ZNF148: variants seen among roughly 807,000 people sequenced by gnomAD.
ZNF148 encodes Beta-Enolase Repressor Factor-1.
ZNF148 carries 7 observed loss-of-function variants against 67.7 expected under a neutral mutation model. That is an observed-to-expected ratio of 0.10 (90% CI 0.06 to 0.19). The LOEUF is 0.19. Among genes scored for constraint, ZNF148 ranks in the 10% least tolerant of loss-of-function variants. ZNF148 has a pLI of 1.00. For synonymous variants in ZNF148, 333 were observed against 330.7 expected (o/e 1.01, Z -0.08); for missense variants, 583 against 947.1 (o/e 0.62, Z 5.05).
chr3:125,313,572 G>A lies in ZNF148; in HGVS notation c.69C>T (p.Ser23=), dbSNP rs1199704611. The A allele has an allele frequency of 6.2e-7, 1 of 1,614,100 alleles. No homozygotes were observed. Among genetic ancestry groups the A allele is most frequent in the Admixed American group, 1.7e-5 (1 of 60,014 alleles). The change falls in exon 4 of 9, where the codon TCC becomes TCT. Residue 23 remains serine (S), a synonymous_variant. Coordinates refer to ENST00000360647, the MANE Select transcript of ZNF148 (RefSeq NM_021964.3). ...KCGGIDEMQS[S]RTMVVMGGVS... is the part of the protein sequence containing the mutation. Reference sequence around the variant, plus strand: ...CTCCACCCATTACAACCATTGTCCTGGAAGACTGCATTTCGTCTATGCCGC... The same window carrying A: ...CTCCACCCATTACAACCATTGTCCTAGAAGACTGCATTTCGTCTATGCCGC...
chr3:125,363,982 T>A (rs148161814), intron 1 of ZNF148, among the ~76,000 whole-genome samples: 1 of 152,306 alleles, frequency 6.6e-6, no homozygotes, highest in East Asian at 1.9e-4. Flanking sequence ...TGTCTCCCAG[T>A]CACCAGGTTC....
chr3:125,366,479 G>C (rs1559786288), intron 1 of ZNF148, among the ~76,000 whole-genome samples: 1 of 151,940 alleles, frequency 6.6e-6, no homozygotes, highest in Non-Finnish European at 1.5e-5. Flanking sequence ...TTATTTTGTC[G>C]GTCATGAAAT....
intron 4 of ZNF148, among the ~76,000 whole-genome samples, chr3:125,303,343 C>G (rs1459579477): frequency 6.6e-6 from 1 of 152,176 alleles, no homozygotes. Context: ...CCCCAACTCC[C>G]AGGCCGTGGA....
rs185632318 is a variant in ZNF148, at chr3:125,265,151, T to C, written c.667+12575A>G. Among the ~76,000 whole-genome samples the C allele has an allele frequency of 2.6e-5, 4 of 152,378 alleles. No homozygotes were observed. In the East Asian group the frequency reaches 7.7e-4, roughly 29 times the overall value. On this transcript the variant is annotated intron_variant, in intron 7 of 8. Transcript: ENST00000360647. ...GATAGTCTGTTACTACTGCTTATTT[T>C]TTCACTGCAATCTTTTACTTTTTAA...
At chr3:125,287,391 T>C (rs1218492146) in intron 5 of ZNF148, among the ~76,000 whole-genome samples, 3 of 152,146 alleles carry the variant, frequency 2.0e-5, no homozygotes, top group Admixed American at 6.5e-5. Context: ...GTAATCCTAA[T>C]ACTTTGGGAG....
At chr3:125,330,750 T>C (rs1941256664) in intron 2 of ZNF148, among the ~76,000 whole-genome samples, 1 of 152,112 alleles carries the variant, frequency 6.6e-6, no homozygotes, top group South Asian at 2.1e-4. Context: ...CACTGACATA[T>C]ATGTAAACTC....
At chr3:125,238,317 A>T (rs1414753285) in intron 7 of ZNF148, among the ~76,000 whole-genome samples, 1 of 152,164 alleles carries the variant, frequency 6.6e-6, no homozygotes, top group East Asian at 1.9e-4. Flanking sequence ...TCATGCTTCA[A>T]AGGACACTAT....
intron 1 of ZNF148, among the ~76,000 whole-genome samples, chr3:125,348,121 G>A (rs1046726148): frequency 5.9e-5 from 9 of 151,884 alleles, no homozygotes; most frequent in Non-Finnish European, 7.4e-5. Flanking sequence ...TTAGCTGGGC[G>A]TGGTGGCATG....
intron 7 of ZNF148, among the ~76,000 whole-genome samples, chr3:125,269,943 T>C (rs1469999850): frequency 3.3e-5 from 5 of 151,738 alleles, no homozygotes; most frequent in Non-Finnish European, 2.9e-5. Context: ...CAATAGACAC[T>C]AGGGACTCCA....
At chr3:125,341,092 G>C (rs1174962144) in intron 1 of ZNF148, among the ~76,000 whole-genome samples, 1 of 150,600 alleles carries the variant, frequency 6.6e-6, no homozygotes, top group Non-Finnish European at 1.5e-5. Context: ...CCAAAGTAGA[G>C]GGTAAATCAG....
Position 125,233,797 on chromosome 3 carries a change from T to C in ZNF148, c.929A>G (p.Asn310Ser), listed in dbSNP as rs1192011208. 1.2e-6 allele frequency: 2 copies of C among 1,613,938 alleles called. No individual in the cohort carries two copies. The highest frequency in any genetic ancestry group is 8.5e-7 in the Non-Finnish European group (1 of 1,179,904). ...CTGCCTTTTCTTTTTTGGCAGTGAG[T>C]TGTCTTTTGGTGATGTAGAAAAGCC... ...DSGFSTSPKD[N>S]SLPKKKRQKT... The change falls in exon 9 of 9, where the codon AAC (asparagine) becomes AGC (serine). Residue 310 changes from asparagine to serine, a missense_variant. Asn to Ser is a conservative substitution (Grantham distance 46). Transcript: ENST00000360647. The surrounding 1 kb of genome is among the most constrained non-coding windows in gnomAD (Gnocchi z 5.1).
intron 4 of ZNF148, among the ~76,000 whole-genome samples, chr3:125,295,132 A>T (rs557642784): frequency 5.9e-5 from 9 of 152,230 alleles, no homozygotes; most frequent in African/African-American, 2.2e-4. Flanking sequence ...TAGAACACCT[A>T]GTGATTATTA....
chr3:125,340,860 CGCCTGTAG>C (rs1941687456), intron 1 of ZNF148, among the ~76,000 whole-genome samples: 2 of 149,894 alleles, frequency 1.3e-5, no homozygotes, highest in African/African-American at 2.4e-5. Context: ...TAGTGGCGGG[CGCCTGTAG>C]TCCCAGCTAC....
intron 1 of ZNF148, among the ~76,000 whole-genome samples, chr3:125,369,635 T>C (rs577176227): frequency 1.3e-5 from 2 of 152,246 alleles, no homozygotes; most frequent in South Asian, 2.1e-4. Context: ...GATATAATTT[T>C]GATATTTGTT....
chr3:125,265,052 G>T (rs372034724), intron 7 of ZNF148, among the ~76,000 whole-genome samples: 1 of 152,196 alleles, frequency 6.6e-6, no homozygotes, highest in African/African-American at 2.4e-5. Context: ...AATATTCCAA[G>T]AACAGCTTTC....
At chr3:125,347,622 C>T (rs1455314091) in intron 1 of ZNF148, among the ~76,000 whole-genome samples, 1 of 150,712 alleles carries the variant, frequency 6.6e-6, no homozygotes. Flanking sequence ...GGCTGGAGTG[C>T]AGTGGCACGA....
chr3:125,264,513 C>A (rs1297227904), intron 7 of ZNF148, among the ~76,000 whole-genome samples: 2 of 152,180 alleles, frequency 1.3e-5, no homozygotes, highest in African/African-American at 4.8e-5. Flanking sequence ...GTCAACTCAT[C>A]AATAGCCAAG....
chr3:125,372,668 T>G (rs895578287), intron 1 of ZNF148, among the ~76,000 whole-genome samples: 7 of 152,138 alleles, frequency 4.6e-5, no homozygotes, highest in African/African-American at 1.7e-4. Flanking sequence ...CAGAACAATT[T>G]TATAATAAAA....
intron 1 of ZNF148, among the ~76,000 whole-genome samples, chr3:125,340,215 T>G (rs926512460): frequency 2.0e-5 from 3 of 152,178 alleles, no homozygotes; most frequent in Non-Finnish European, 4.4e-5. Context: ...GCAGCTCAGA[T>G]AGTCACATTC....
Sources: gnomAD v4.1 joint callset for allele counts (sites outside exome capture counted in the v4.1 genomes callset) on GRCh38, gnomAD v4.1.1 for gene constraint, Gnocchi (gnomAD v3.1) non-coding constraint, MANE v1.5 for transcripts, NCBI Gene and HGNC (gene_info 2026-07-23, HGNC 2026-07-21) for gene names.